CDH13: variants seen among roughly 807,000 people sequenced by gnomAD.
CDH13 encodes cadherin-13.
CDH13 carries 24 observed loss-of-function variants against 63.8 expected under a neutral mutation model. That is an observed-to-expected ratio of 0.38 (90% CI 0.27 to 0.53). The LOEUF (loss-of-function observed/expected upper bound fraction) is 0.53, where lower values mean the gene tolerates loss of function less well. CDH13 is among the 20% of genes least tolerant of loss of function. The pLI is 0.85. For synonymous variants in CDH13, 503 were observed against 355.3 expected (o/e 1.42, Z -4.67); for missense variants, 1,049 against 903.1 (o/e 1.16, Z -2.07).
intron 1 of CDH13, among the ~76,000 whole-genome samples, chr16:82,744,728 C>T (rs1407651431): frequency 3.3e-5 from 5 of 152,168 alleles, no homozygotes; most frequent in South Asian, 2.1e-4. Context: ...TACTTCTATA[C>T]ACATGATCGC....
chr16:82,707,902 A>G (rs1022236783), intron 1 of CDH13, among the ~76,000 whole-genome samples: 1 of 152,012 alleles, frequency 6.6e-6, no homozygotes, highest in Non-Finnish European at 1.5e-5. Context: ...CCAAGCTTCC[A>G]TAACAAAGAG....
chr16:82,720,495 G>T (rs1163735016), intron 1 of CDH13, among the ~76,000 whole-genome samples: 2 of 152,030 alleles, frequency 1.3e-5, no homozygotes, highest in East Asian at 1.9e-4. Context: ...TCATTCCATC[G>T]CAGGGCACAC....
intron 1 of CDH13, among the ~76,000 whole-genome samples, chr16:82,856,964 C>G (rs781336147): frequency 6.6e-6 from 1 of 152,120 alleles, no homozygotes; most frequent in African/African-American, 2.4e-5. Context: ...AAGGACCACT[C>G]CCAGGATGTT....
chr16:83,289,546 C>G (rs1270579261), intron 5 of CDH13, among the ~76,000 whole-genome samples: 2 of 152,164 alleles, frequency 1.3e-5, no homozygotes, highest in African/African-American at 2.4e-5. Context: ...TTATCCTTCT[C>G]TTATTTGAGG....
At chr16:83,610,928 G>A (rs2150763051) in intron 8 of CDH13, among the ~76,000 whole-genome samples, 2 of 152,232 alleles carry the variant, frequency 1.3e-5, no homozygotes, top group Middle Eastern at 6.8e-3. Flanking sequence ...AATCTTGACT[G>A]CTATATATTT....
At chr16:83,058,510 A>T (rs765038730) in intron 3 of CDH13, among the ~76,000 whole-genome samples, 13 of 152,138 alleles carry the variant, frequency 8.5e-5, no homozygotes, top group South Asian at 2.1e-4. Context: ...TTATTCTAAC[A>T]AATGCTCTTG....
In CDH13 at chr16:83,602,543, G is replaced by T; in HGVS notation, c.1050G>T (p.Thr350=). The T allele has an allele frequency of 2.5e-6, 4 of 1,613,976 alleles. No individual in the cohort carries two copies. The highest frequency in any genetic ancestry group is 3.4e-6 in the Non-Finnish European group (4 of 1,179,872). The part of the protein sequence containing the change: ...DVGLTGTATA[T]IMIDDKNDHS... ...GATTAACAGGCACGGCCACAGCCAC[G>T]ATCATGATCGATGACAAAAATGATC... The change falls in exon 8 of 14, where the codon ACG becomes ACT. Residue 350 remains threonine, a synonymous_variant. Coordinates refer to ENST00000567109, the MANE Select transcript of CDH13 (RefSeq NM_001257.5).
intron 3 of CDH13, among the ~76,000 whole-genome samples, chr16:83,099,845 A>G (rs1445991956): frequency 6.6e-6 from 1 of 152,112 alleles, no homozygotes; most frequent in African/African-American, 2.4e-5. Flanking sequence ...GACGCGGGAG[A>G]GCACTCAGTA....
chr16:83,034,662 G>T (rs934268493), intron 3 of CDH13, among the ~76,000 whole-genome samples: 1 of 152,158 alleles, frequency 6.6e-6, no homozygotes, highest in Non-Finnish European at 1.5e-5. Flanking sequence ...ATTGTTCTTC[G>T]TGAATGGTGG....
intron 10 of CDH13, among the ~76,000 whole-genome samples, chr16:83,692,721 C>G (rs1036381613): frequency 6.6e-6 from 1 of 152,196 alleles, no homozygotes; most frequent in African/African-American, 2.4e-5. Flanking sequence ...CAGGCTGTCT[C>G]TAGAAACTAC....
intron 1 of CDH13, among the ~76,000 whole-genome samples, chr16:82,810,617 T>C (rs1371795607): frequency 6.6e-6 from 1 of 152,114 alleles, no homozygotes; most frequent in African/African-American, 2.4e-5. Flanking sequence ...AGTTAGCATC[T>C]CTGAAACCCT....
intron 3 of CDH13, among the ~76,000 whole-genome samples, chr16:83,057,267 C>T (rs937976494): frequency 4.6e-5 from 7 of 152,238 alleles, no homozygotes; most frequent in Non-Finnish European, 7.4e-5. Context: ...ACCCCAGTCT[C>T]AGGTATGTCT....
At chr16:82,667,934 C>T (rs538540397) in intron 1 of CDH13, among the ~76,000 whole-genome samples, 1 of 152,242 alleles carries the variant, frequency 6.6e-6, no homozygotes, top group East Asian at 1.9e-4. Context: ...TTAGAAACAC[C>T]TGTATTTGTC....
intron 8 of CDH13, among the ~76,000 whole-genome samples, chr16:83,635,675 G>T (rs1911196452): frequency 6.6e-6 from 1 of 152,104 alleles, no homozygotes; most frequent in Non-Finnish European, 1.5e-5. Flanking sequence ...ATGTTTGAGT[G>T]TTGAGAGTCT....
intron 3 of CDH13, among the ~76,000 whole-genome samples, chr16:83,104,762 T>C (rs1184210757): frequency 1.3e-5 from 2 of 152,200 alleles, no homozygotes; most frequent in East Asian, 3.9e-4. Flanking sequence ...TGGTGGTTAG[T>C]GTGGGAGACA....
chr16:83,018,888 G>T (rs1915070321), intron 2 of CDH13, among the ~76,000 whole-genome samples: 1 of 152,158 alleles, frequency 6.6e-6, no homozygotes, highest in Non-Finnish European at 1.5e-5. Flanking sequence ...TAGTCTAAAA[G>T]GTAAAATTGG....
chr16:83,331,164 C>G (rs538333086), intron 5 of CDH13, among the ~76,000 whole-genome samples: 2 of 152,226 alleles, frequency 1.3e-5, no homozygotes, highest in African/African-American at 4.8e-5. Context: ...CTCCCTGAAT[C>G]TAAAACCCAC....
chr16:83,371,977 T>C (rs1304932016), intron 6 of CDH13, among the ~76,000 whole-genome samples: 1 of 152,230 alleles, frequency 6.6e-6, no homozygotes, highest in African/African-American at 2.4e-5. Context: ...AGGGATACCT[T>C]TGGGGAAAGT....
chr16:82,708,967 A>T (rs2031707149), intron 1 of CDH13, among the ~76,000 whole-genome samples: 1 of 152,212 alleles, frequency 6.6e-6, no homozygotes, highest in Non-Finnish European at 1.5e-5. Flanking sequence ...GAACCAGAAG[A>T]GTCCTGAGTG....
Sources: allele counts gnomAD v4.1 joint callset (sites outside exome capture counted in the v4.1 genomes callset), GRCh38; gene constraint gnomAD v4.1.1; transcripts MANE v1.5; gene names NCBI Gene and HGNC (gene_info 2026-07-23, HGNC 2026-07-21).